SUPT5H: variants seen among roughly 807,000 people sequenced by gnomAD.
The protein encoded by SUPT5H is SPT5 homolog, DSIF elongation factor subunit.
A neutral mutation model predicts 142.5 loss-of-function variants in SUPT5H; 24 were observed. The observed-to-expected ratio is 0.17, with a 90% CI of 0.12 to 0.24. The LOEUF (loss-of-function observed/expected upper bound fraction) is 0.24, where lower values mean the gene tolerates loss of function less well. Among genes scored for constraint, SUPT5H ranks in the 10% least tolerant of loss-of-function variants. The pLI is 1.00. For missense variants in SUPT5H, 893 were observed against 1,471.8 expected, an observed-to-expected ratio of 0.61 and a Z score of 6.43; for synonymous variants, 546 against 553.0, an observed-to-expected ratio of 0.99 and a Z score of 0.18.
intron 3 of SUPT5H, among the ~76,000 whole-genome samples, chr19:39,455,487 G>A (rs376635547): frequency 2.0e-5 from 3 of 151,966 alleles, no homozygotes; most frequent in South Asian, 2.1e-4. Context: ...GCTTGAACCC[G>A]GGAGGTGGAG....
intron 10 of SUPT5H, among the ~76,000 whole-genome samples, chr19:39,462,455 C>T (rs561519859): frequency 2.0e-5 from 3 of 152,230 alleles, no homozygotes; most frequent in Admixed American, 1.3e-4. Flanking sequence ...TACAATATGT[C>T]GCCTTTCGTG....
intron 2 of SUPT5H, among the ~76,000 whole-genome samples, chr19:39,453,129 C>T (rs114154144): frequency 0.013 from 2,035 of 151,966 alleles, 38 homozygotes; most frequent in African/African-American, 0.037. Context: ...AGGGAGAAGC[C>T]CGGGTCAACT....
Position 39,462,606 on chromosome 19 carries a change from C to T in SUPT5H, c.625-2192C>T, listed in dbSNP as rs569605076. Among the ~76,000 whole-genome samples the T allele has an allele frequency of 4.6e-5, 7 of 152,232 alleles. No individual in the cohort carries two copies. In the South Asian group the frequency reaches 1.4e-3, roughly 32 times the overall value. ...AATGTAATGGTGCAGTCTTGGCCCA[C>T]TGCAACCACTGCCTCCCAGGCTCAA... is the stretch of plus-strand genomic sequence containing the variant. On this transcript the variant is annotated intron_variant, in intron 10 of 29. Transcript: ENST00000432763.
At chr19:39,464,024 C>T (rs1175155463) in intron 10 of SUPT5H, among the ~76,000 whole-genome samples, 1 of 143,868 alleles carries the variant, frequency 7.0e-6, no homozygotes, top group Non-Finnish European at 1.5e-5. Context: ...GCTCTTATTG[C>T]CCAGACTGGA....
intron 3 of SUPT5H, among the ~76,000 whole-genome samples, chr19:39,456,001 A>T (rs1300471225): frequency 1.5e-5 from 2 of 129,454 alleles, no homozygotes; most frequent in Non-Finnish European, 3.2e-5. Flanking sequence ...ATCTCGGCTC[A>T]CTGCAACCTC....
Position 39,453,380 on chromosome 19 carries a change from G to T in SUPT5H, c.100G>T (p.Ala34Ser). 3 of 1,604,710 alleles carry T rather than the reference G, an allele frequency of 1.9e-6. No homozygotes were observed. The highest frequency in any genetic ancestry group is 2.6e-6 in the Non-Finnish European group (3 of 1,175,050). The change falls in exon 3 of 30, where the codon GCG becomes TCG. Residue 34 changes from alanine (A) to serine (S), a missense_variant. Coordinates refer to ENST00000432763, the MANE Select transcript of SUPT5H (RefSeq NM_001111020.3). ...AEVDEERRSA[A>S]GSEKEEEPED... ...GGTAGACGAAGAGCGGCGGAGTGCA[G>T]CGGGCAGTGAGAAAGAAGAAGAGCC...
Position 39,458,334 on chromosome 19 carries a change from A to G in SUPT5H, c.319+29A>G. ...AGAATATGAAAAGTGTGATTCCCTGACCTTCCTCCCATATCCTGACATTTC... is the reference window on the plus strand; with the variant it reads ...AGAATATGAAAAGTGTGATTCCCTGGCCTTCCTCCCATATCCTGACATTTC... On this transcript the variant is annotated intron_variant, in intron 5 of 29. Coordinates refer to ENST00000432763, the MANE Select transcript of SUPT5H (RefSeq NM_001111020.3). This position sits in a 1 kb window ranked among gnomAD's most constrained non-coding sequence, Gnocchi z 4.2. 6.5e-7 allele frequency: 1 copy of G among 1,548,566 alleles called. No individual in the cohort carries two copies. The highest frequency in any genetic ancestry group is 8.8e-7 in the Non-Finnish European group (1 of 1,136,812).
intron 3 of SUPT5H, among the ~76,000 whole-genome samples, chr19:39,454,813 T>A (rs1450883553): frequency 6.6e-6 from 1 of 152,166 alleles, no homozygotes; most frequent in African/African-American, 2.4e-5. Context: ...CTGTTTTACC[T>A]GAGAAGAAAA....
intron 2 of SUPT5H, among the ~76,000 whole-genome samples, chr19:39,446,245 T>C (rs886759901): frequency 2.0e-4 from 30 of 152,266 alleles, no homozygotes; most frequent in Non-Finnish European, 3.4e-4. Context: ...TTTTTAGTTA[T>C]GTCTAGTCAT....
chr19:39,463,470 T>A (rs1021408211), intron 10 of SUPT5H, among the ~76,000 whole-genome samples: 4 of 152,218 alleles, frequency 2.6e-5, no homozygotes, highest in Non-Finnish European at 4.4e-5. Flanking sequence ...GAGAATATAC[T>A]TTATATGATT....
Position 39,458,527 on chromosome 19 carries a change from G to T in SUPT5H, c.319+222G>T. The T allele has an allele frequency of 1.1e-6, 1 of 907,262 alleles. No individual in the cohort carries two copies. The allele number at this position is 907,262 out of a possible 1,614,324, so 56.2% of individuals were successfully genotyped here. On this transcript the variant is annotated intron_variant, in intron 5 of 29. Transcript: ENST00000432763. This position sits in a 1 kb window ranked among gnomAD's most constrained non-coding sequence, Gnocchi z 4.2. The stretch of plus-strand genomic sequence containing the variant: ...TGTGTCTGTCTGGGACTGAGCATTT[G>T]TGGGTGGTAGCGATGTGTGGGGTGG...
At position 39,474,305 on chromosome 19, in the gene SUPT5H, C is replaced by A; in HGVS notation, c.2723C>A (p.Pro908His). ...GGTTCCTACCAGCCCAGCCCCAGCC[C>A]CCAGAGCTACCACCAGGTGGCGCCA... is the stretch of plus-strand genomic sequence containing the variant. ...PQGSYQPSPS[P>H]QSYHQVAPSP... Residue 908 changes from proline (P) to histidine (H), a missense_variant, in exon 27 of 30, where the codon CCC (proline) becomes CAC (histidine). Pro to His is a moderately conservative substitution (Grantham distance 77, BLOSUM62 -2). This residue lies in a region of SUPT5H where 336 missense variants were observed against 546.5 expected (regional missense o/e 0.61). Transcript: ENST00000432763. The surrounding 1 kb of genome is among the most constrained non-coding windows in gnomAD (Gnocchi z 6.5). 1 of 1,614,104 alleles carries A rather than the reference C, an allele frequency of 6.2e-7. No individual in the cohort carries two copies. The highest frequency in any genetic ancestry group is 8.5e-7 in the Non-Finnish European group (1 of 1,179,988).
At position 39,471,484 on chromosome 19, in the gene SUPT5H, T is replaced by G. The variant is rs2079319423; in HGVS notation, c.1805T>G (p.Val602Gly). The change falls in exon 19 of 30, where the codon GTC (valine) becomes GGC (glycine). Residue 602 changes from valine to glycine, a missense_variant. Around this residue, in one of 6 missense-constraint regions of SUPT5H, gnomAD observed 428 missense variants for 763.5 expected, o/e 0.56. Coordinates refer to ENST00000432763, the MANE Select transcript of SUPT5H (RefSeq NM_001111020.3). ...ATCCATGTGAAAGACATCGTTAAGG[T>G]CATTGATGGCCCCCACTCAGTGAGT... Reference protein sequence around the residue: ...NNIHVKDIVKVIDGPHSGREG... With the variant: ...NNIHVKDIVKGIDGPHSGREG... 2 of 1,614,064 alleles carry G rather than the reference T, an allele frequency of 1.2e-6. No homozygotes were observed.
chr19:39,456,221 T>C (rs927325470), intron 3 of SUPT5H, among the ~76,000 whole-genome samples: 4 of 150,928 alleles, frequency 2.7e-5, no homozygotes, highest in African/African-American at 9.7e-5. Context: ...CCAGACCTTT[T>C]TTTTTTCTTT....
chr19:39,469,276 C>T lies in SUPT5H; in HGVS notation c.1252C>T (p.His418Tyr), dbSNP rs773211665. The part of the protein sequence containing the change: ...VTESTGKERE[H>Y]NFQPGDNVEV... ...TGCCCCTGCAGGGAAGGAGCGGGAGCACAACTTCCAACCTGGGGACAACGT... is the reference window on the plus strand; with the variant it reads ...TGCCCCTGCAGGGAAGGAGCGGGAGTACAACTTCCAACCTGGGGACAACGT... Residue 418 changes from histidine to tyrosine, a missense_variant, in exon 16 of 30, where the codon CAC becomes TAC. Coordinates refer to ENST00000432763, the MANE Select transcript of SUPT5H (RefSeq NM_001111020.3). This position sits in a 1 kb window ranked among gnomAD's most constrained non-coding sequence, Gnocchi z 5.1. The T allele has an allele frequency of 1.2e-6, 2 of 1,614,204 alleles. No homozygotes were observed. Among genetic ancestry groups the T allele is most frequent in the Non-Finnish European group, 8.5e-7 (1 of 1,180,030 alleles).
At chr19:39,451,684 A>T (rs1415746539) in intron 2 of SUPT5H, among the ~76,000 whole-genome samples, 2 of 152,022 alleles carry the variant, frequency 1.3e-5, no homozygotes, top group Admixed American at 1.3e-4. Context: ...GGTGCCCACC[A>T]CCGTGCTGGG....
At chr19:39,457,185 A>G (rs2079101647) in intron 3 of SUPT5H, among the ~76,000 whole-genome samples, 1 of 152,198 alleles carries the variant, frequency 6.6e-6, no homozygotes, top group Non-Finnish European at 1.5e-5. Context: ...TTTGCTGTAA[A>G]ATAGGAACAA....
In SUPT5H at chr19:39,473,065, C is replaced by T; in HGVS notation, c.2209C>T (p.His737Tyr). ...ATESTARVEL[H>Y]STCQTISVDR... ...AGAGTCCACGGCCCGTGTGGAGCTG[C>T]ACTCCACCTGCCAGACCATCTCTGT... is the stretch of plus-strand genomic sequence containing the variant. Residue 737 changes from histidine to tyrosine, a missense_variant, in exon 23 of 30, where the codon CAC becomes TAC. By Grantham distance (83) the His-to-Tyr change is moderately conservative (BLOSUM62 2). Coordinates refer to ENST00000432763, the MANE Select transcript of SUPT5H (RefSeq NM_001111020.3). This position sits in a 1 kb window ranked among gnomAD's most constrained non-coding sequence, Gnocchi z 5.8. 6.2e-7 allele frequency: 1 copy of T among 1,613,788 alleles called. No individual in the cohort carries two copies. The highest frequency in any genetic ancestry group is 8.5e-7 in the Non-Finnish European group (1 of 1,179,912).
rs1460936195 is a variant in SUPT5H at position 39,469,301 on chromosome 19, T to C, written c.1277T>C (p.Val426Ala). 1 of 1,614,132 alleles carries C rather than the reference T, an allele frequency of 6.2e-7. No individual in the cohort carries two copies. The highest frequency in any genetic ancestry group is 8.5e-7 in the Non-Finnish European group (1 of 1,180,010). ...CACAACTTCCAACCTGGGGACAACG[T>C]GGAGGTCTGTGAGGGTGAGCTCATC... ...REHNFQPGDN[V>A]EVCEGELINL... Residue 426 changes from valine to alanine, a missense_variant, in exon 16 of 30, where the codon GTG (valine) becomes GCG (alanine). Coordinates refer to ENST00000432763, the MANE Select transcript of SUPT5H (RefSeq NM_001111020.3). The surrounding 1 kb of genome is among the most constrained non-coding windows in gnomAD (Gnocchi z 5.1).
Sources: gnomAD v4.1 joint callset for allele counts (sites outside exome capture counted in the v4.1 genomes callset) on GRCh38, gnomAD v4.1.1 for gene constraint, gnomAD v4.1.1 regional missense constraint, Gnocchi (gnomAD v3.1) non-coding constraint, MANE v1.5 for transcripts, NCBI Gene and HGNC (gene_info 2026-07-23, HGNC 2026-07-21) for gene names.